The following TRPM3 variants were observed in gnomAD, a reference collection of about 807,000 sequenced individuals.
The protein encoded by TRPM3 is long transient receptor potential channel 3.
TRPM3 carries 77 observed loss-of-function variants against 181.2 expected under a neutral mutation model. That is an observed-to-expected ratio of 0.42 (90% confidence interval 0.35 to 0.51). TRPM3 has a LOEUF of 0.51. Ranked by LOEUF, TRPM3 falls within the 20% of genes least tolerant of loss-of-function variation. TRPM3 has a pLI of 0.01. For missense variants in TRPM3, 1,759 were observed against 2,196.7 expected (o/e 0.80, Z 3.98); for synonymous variants, 745 against 796.4 (o/e 0.94, Z 1.09).
intron 22 of TRPM3, among the ~76,000 whole-genome samples, chr9:70,582,176 C>CTGTGTG (rs1198403990): frequency 2.6e-5 from 2 of 77,926 alleles, no homozygotes; most frequent in Non-Finnish European, 5.3e-5. Context: ...CGCCTCCACC[C>CTGTGTG]TGTGCGTGTG....
At chr9:70,770,927 T>TA (rs2080129318) in intron 7 of TRPM3, among the ~76,000 whole-genome samples, 1 of 152,144 alleles carries the variant, frequency 6.6e-6, no homozygotes, top group Non-Finnish European at 1.5e-5. Context: ...ATGGGGGAGA[T>TA]AGATTTCAGT....
intron 1 of TRPM3, among the ~76,000 whole-genome samples, chr9:71,442,958 T>A (rs1432033817): frequency 6.6e-6 from 1 of 152,234 alleles, no homozygotes; most frequent in East Asian, 1.9e-4. Context: ...AAATTACTTT[T>A]ATACCTATTG....
At chr9:71,327,902 G>C (rs1189864804) in intron 1 of TRPM3, among the ~76,000 whole-genome samples, 1 of 152,030 alleles carries the variant, frequency 6.6e-6, no homozygotes, top group Admixed American at 6.5e-5. Context: ...GTGGTACTTG[G>C]CATTAAGGAG....
chr9:70,871,723 A>C (rs1177149180), intron 1 of TRPM3, among the ~76,000 whole-genome samples: 1 of 152,046 alleles, frequency 6.6e-6, no homozygotes, highest in East Asian at 1.9e-4. Context: ...GCAACTCCCA[A>C]CAGGGTATAT....
intron 1 of TRPM3, among the ~76,000 whole-genome samples, chr9:70,957,817 T>C (rs1313813731): frequency 6.6e-6 from 1 of 152,156 alleles, no homozygotes. Flanking sequence ...TCTACTGTAA[T>C]ATGAAAGTCC....
intron 1 of TRPM3, among the ~76,000 whole-genome samples, chr9:71,279,508 T>G (rs1263385061): frequency 6.6e-6 from 1 of 152,204 alleles, no homozygotes; most frequent in African/African-American, 2.4e-5. Flanking sequence ...GTTTTTACCA[T>G]GCACATGTGT....
At chr9:70,752,439 T>C (rs1014339608) in intron 8 of TRPM3, among the ~76,000 whole-genome samples, 12 of 152,132 alleles carry the variant, frequency 7.9e-5, no homozygotes, top group Non-Finnish European at 1.3e-4. Flanking sequence ...AAGGTGAAAC[T>C]AGACACATTT....
intron 1 of TRPM3, among the ~76,000 whole-genome samples, chr9:71,322,185 C>T (rs185583915): frequency 3.5e-4 from 53 of 151,942 alleles, no homozygotes; most frequent in African/African-American, 1.2e-3. Flanking sequence ...AGTGGTATGT[C>T]ATGACATTTA....
rs79103969 is a variant in TRPM3 at position 70,981,256 on chromosome 9, G to A, written c.178-116745C>T. Reference sequence around the variant, plus strand: ...TTGATTTCTTCTGCAGTTTTATAGCGTAGAAGAGCTTGAAAATAGAGTAAA... The same window carrying A: ...TTGATTTCTTCTGCAGTTTTATAGCATAGAAGAGCTTGAAAATAGAGTAAA... On this transcript the variant is annotated intron_variant, in intron 1 of 25. Coordinates refer to ENST00000677713, the MANE Select transcript of TRPM3 (RefSeq NM_001366145.2). Among the ~76,000 whole-genome samples, 40 of 152,256 alleles carry A rather than the reference G, an allele frequency of 2.6e-4. 1 individual carries two copies. The East Asian group carries it at 6.2e-3, about 23-fold the overall frequency.
chr9:70,605,209 G>A (rs1309719099), intron 19 of TRPM3, among the ~76,000 whole-genome samples: 1 of 152,012 alleles, frequency 6.6e-6, no homozygotes, highest in Non-Finnish European at 1.5e-5. Flanking sequence ...GCCCGCCTCG[G>A]CCTCCTAAAG....
intron 1 of TRPM3, among the ~76,000 whole-genome samples, chr9:71,179,023 T>A (rs145097002): frequency 6.6e-6 from 1 of 152,314 alleles, no homozygotes; most frequent in Non-Finnish European, 1.5e-5. Context: ...AATAGAAATT[T>A]CATGCATTAC....
At chr9:70,874,691 G>A (rs564001903) in intron 1 of TRPM3, among the ~76,000 whole-genome samples, 1 of 151,978 alleles carries the variant, frequency 6.6e-6, no homozygotes, top group African/African-American at 2.4e-5. Context: ...GTAGAAATGT[G>A]GAATTTATGT....
chr9:70,688,469 A>C (rs1378633855), intron 8 of TRPM3, among the ~76,000 whole-genome samples: 1 of 152,080 alleles, frequency 6.6e-6, no homozygotes, highest in African/African-American at 2.4e-5. Flanking sequence ...AAATCCCCTT[A>C]GTCCATTATA....
chr9:70,615,858 G>A, intron 18 of TRPM3, 50 bp downstream of exon 18: 4 of 1,538,742 alleles, frequency 2.6e-6, no homozygotes, highest in Non-Finnish European at 3.5e-6. Flanking sequence ...GGTGGGACAA[G>A]TGGATTAGGA....
At chr9:70,836,890 G>A (rs2094356444) in intron 5 of TRPM3, among the ~76,000 whole-genome samples, 1 of 152,144 alleles carries the variant, frequency 6.6e-6, no homozygotes, top group South Asian at 2.1e-4. Context: ...TTTCATATAG[G>A]TAGATATCTC....
intron 5 of TRPM3, among the ~76,000 whole-genome samples, chr9:70,841,661 T>TATATAAAA (rs1339698170): frequency 1.2e-5 from 1 of 86,080 alleles, no homozygotes; most frequent in Non-Finnish European, 2.3e-5. Context: ...TATATATATA[T>TATATAAAA]CCCACCATAT....
chr9:71,258,015 T>C (rs1209667971), intron 1 of TRPM3, among the ~76,000 whole-genome samples: 2 of 152,220 alleles, frequency 1.3e-5, no homozygotes, highest in African/African-American at 4.8e-5. Context: ...GCTTCAAGAA[T>C]GCACATCTGA....
At chr9:70,633,104 T>A (rs910797762) in intron 12 of TRPM3, among the ~76,000 whole-genome samples, 1 of 152,160 alleles carries the variant, frequency 6.6e-6, no homozygotes, top group Non-Finnish European at 1.5e-5. Flanking sequence ...TTTGGGTTGG[T>A]GATGACTGGG....
intron 8 of TRPM3, among the ~76,000 whole-genome samples, chr9:70,692,414 G>T (rs2068868002): frequency 6.6e-6 from 1 of 152,238 alleles, no homozygotes; most frequent in East Asian, 1.9e-4. Context: ...GTCATAAATT[G>T]CCTCGTAGCT....
Sources: gnomAD v4.1 joint callset for allele counts (sites outside exome capture counted in the v4.1 genomes callset) on GRCh38, gnomAD v4.1.1 for gene constraint, MANE v1.5 for transcripts, NCBI Gene and HGNC (gene_info 2026-07-23, HGNC 2026-07-21) for gene names.